NPAS2: variants seen among roughly 807,000 people sequenced by gnomAD.
The protein encoded by NPAS2 is neuronal PAS domain protein 2, also known as neuronal PAS domain-containing protein 2.
A neutral mutation model predicts 107.5 loss-of-function variants in NPAS2; 23 were observed. That is an observed-to-expected ratio of 0.21 (90% CI 0.15 to 0.30). NPAS2 has a LOEUF of 0.30. NPAS2 is among the 10% of genes least tolerant of loss of function. The probability of loss-of-function intolerance (pLI) is 1.00; values close to 1 mark genes in which losing one functional copy is unlikely to be tolerated. For synonymous variants in NPAS2, 403 were observed against 417.5 expected (o/e 0.97, Z 0.42); for missense variants, 756 against 1,043.3 (o/e 0.72, Z 3.79).
intron 1 of NPAS2, among the ~76,000 whole-genome samples, chr2:100,869,981 T>A (rs1181230194): frequency 6.8e-6 from 1 of 147,540 alleles, no homozygotes; most frequent in Non-Finnish European, 1.5e-5. Flanking sequence ...CTTGGCTCAC[T>A]GCAAGCTCTG....
Position 100,988,089 on chromosome 2 carries a change from A to G in NPAS2, c.1640A>G (p.Gln547Arg), listed in dbSNP as rs1217853334. 9 of 1,613,860 alleles carry G rather than the reference A, an allele frequency of 5.6e-6. No individual in the cohort carries two copies. The highest frequency in any genetic ancestry group is 1.7e-5 in the Admixed American group (1 of 60,008). ...VQDSNVQMFL[Q>R]QPAVSLSFSS... ...CTATTCTGCTCCCAGATGTTCCTGC[A>G]GCAGCCAGCTGTATCCCTGAGCTTC... The change falls in exon 17 of 21, where the codon CAG (glutamine) becomes CGG (arginine). Residue 547 changes from glutamine (Q) to arginine (R), a missense_variant. Physicochemically the swap from Gln to Arg is conservative, Grantham distance 43 (BLOSUM62 1). Around this residue, in one of 4 missense-constraint regions of NPAS2, gnomAD observed 496 missense variants for 594.4 expected, o/e 0.83. Transcript: ENST00000335681.
Position 100,836,474 on chromosome 2 carries a change from G to A in NPAS2, c.-23+16060G>A, listed in dbSNP as rs1010885259. ...ACAACACTGAAACTGATTTAAGAAG[G>A]CTTTTCAGCTGGAAGACATGGCCAC... On this transcript the variant is annotated intron_variant, in intron 1 of 20. Transcript: ENST00000335681. Among the ~76,000 whole-genome samples the A allele has an allele frequency of 4.3e-4, 65 of 152,170 alleles. 2 individuals are homozygous for A. The highest frequency in any genetic ancestry group is 1.3e-4 in the Admixed American group (2 of 15,268).
intron 7 of NPAS2, among the ~76,000 whole-genome samples, chr2:100,957,843 G>A (rs1050256363): frequency 6.6e-6 from 1 of 152,224 alleles, no homozygotes; most frequent in African/African-American, 2.4e-5. Context: ...CAGGAGAATG[G>A]CGTGAACCCG....
intron 1 of NPAS2, among the ~76,000 whole-genome samples, chr2:100,839,507 AAT>A (rs1190163501): frequency 6.6e-6 from 1 of 152,062 alleles, no homozygotes; most frequent in Non-Finnish European, 1.5e-5. Context: ...TGATTTTCTT[AAT>A]AACATTTTTT....
chr2:100,975,183 C>T, intron 13 of NPAS2: 1 of 580,534 alleles, frequency 1.7e-6, no homozygotes, highest in Non-Finnish European at 3.0e-6. Context: ...CAGATCTGAT[C>T]CCTTGACTGC....
At chr2:100,865,254 C>T (rs947194323) in intron 1 of NPAS2, among the ~76,000 whole-genome samples, 6 of 152,178 alleles carry the variant, frequency 3.9e-5, no homozygotes, top group African/African-American at 7.2e-5. Context: ...AACTCAACTA[C>T]GAATCTGTTC....
chr2:100,957,121 G>A (rs1675617456), intron 7 of NPAS2, among the ~76,000 whole-genome samples: 1 of 152,244 alleles, frequency 6.6e-6, no homozygotes, highest in Non-Finnish European at 1.5e-5. Context: ...GGGGGCAGGG[G>A]AGGGAAGACA....
chr2:100,967,149 G>A (rs764138463), intron 10 of NPAS2, among the ~76,000 whole-genome samples: 1 of 151,792 alleles, frequency 6.6e-6, no homozygotes, highest in Non-Finnish European at 1.5e-5. Context: ...CATGGCTTGG[G>A]CAAGACCTCC....
intron 1 of NPAS2, among the ~76,000 whole-genome samples, chr2:100,876,557 G>C (rs1400977328): frequency 6.6e-6 from 1 of 152,188 alleles, no homozygotes; most frequent in Admixed American, 6.5e-5. Flanking sequence ...CTGCTGCCCA[G>C]CTGTATTTGG....
intron 1 of NPAS2, among the ~76,000 whole-genome samples, chr2:100,824,824 C>T (rs551232440): frequency 6.7e-4 from 102 of 152,272 alleles, no homozygotes; most frequent in African/African-American, 2.4e-3. Flanking sequence ...ATTTGCCTTC[C>T]ACGCTCCCTG....
intron 7 of NPAS2, among the ~76,000 whole-genome samples, chr2:100,953,939 A>G (rs144255654): frequency 2.0e-4 from 30 of 152,244 alleles, no homozygotes; most frequent in African/African-American, 7.0e-4. Flanking sequence ...CAGTCATGGA[A>G]ATGACTGTCA....
At chr2:100,915,382 G>A (rs1682819367) in intron 2 of NPAS2, among the ~76,000 whole-genome samples, 1 of 152,170 alleles carries the variant, frequency 6.6e-6, no homozygotes. Flanking sequence ...AAGGGAGCCT[G>A]GGAACCAGAA....
chr2:100,873,945 A>T (rs1000048614), intron 1 of NPAS2, among the ~76,000 whole-genome samples: 1 of 152,064 alleles, frequency 6.6e-6, no homozygotes, highest in African/African-American at 2.4e-5. Context: ...GCCTTTGTTC[A>T]GCTGGCAGTT....
chr2:100,843,350 A>T (rs1677568504), intron 1 of NPAS2, among the ~76,000 whole-genome samples: 1 of 152,134 alleles, frequency 6.6e-6, no homozygotes, highest in Non-Finnish European at 1.5e-5. Flanking sequence ...TTGGCTATAA[A>T]GCCTCCCCTG....
intron 1 of NPAS2, among the ~76,000 whole-genome samples, chr2:100,897,679 C>T (rs973549148): frequency 3.3e-5 from 5 of 152,146 alleles, no homozygotes; most frequent in Admixed American, 6.5e-5. Flanking sequence ...CAAGACTCCC[C>T]GAACCCCGTC....
chr2:100,976,187 T>C lies in NPAS2; in HGVS notation c.1392+620T>C, dbSNP rs1415171484. Among the ~76,000 whole-genome samples the C allele has an allele frequency of 6.6e-6, 1 of 151,682 alleles. No individual in the cohort carries two copies. Among genetic ancestry groups the C allele is most frequent in the Admixed American group, 6.6e-5 (1 of 15,168 alleles). On this transcript the variant is annotated intron_variant, in intron 14 of 20. Transcript: ENST00000335681. The surrounding 1 kb of genome is among the most constrained non-coding windows in gnomAD (Gnocchi z 4.1). ...GATGGCACTTCTCTGCTCCTTGGTG[T>C]CGGGGATCTCGTGGGCCTAGGCTAT...
intron 1 of NPAS2, among the ~76,000 whole-genome samples, chr2:100,887,300 G>T (rs12476292): frequency 7.2e-4 from 109 of 152,288 alleles, no homozygotes; most frequent in African/African-American, 2.5e-3. Flanking sequence ...CCTTTCTGTC[G>T]GACAGCTACA....
At chr2:100,856,815 G>T (rs945886717) in intron 1 of NPAS2, among the ~76,000 whole-genome samples, 9 of 151,852 alleles carry the variant, frequency 5.9e-5, no homozygotes, top group Non-Finnish European at 1.5e-5. Context: ...AAAGAGAGAG[G>T]TGTCCACGCT....
At chr2:100,895,205 G>T (rs1019679936) in intron 1 of NPAS2, among the ~76,000 whole-genome samples, 2 of 152,208 alleles carry the variant, frequency 1.3e-5, no homozygotes, top group Admixed American at 6.5e-5. Context: ...AGTTTCTACT[G>T]TGAGCCCTTT....
Sources: gnomAD v4.1 joint callset for allele counts (sites outside exome capture counted in the v4.1 genomes callset) on GRCh38, gnomAD v4.1.1 for gene constraint, gnomAD v4.1.1 regional missense constraint, Gnocchi (gnomAD v3.1) non-coding constraint, MANE v1.5 for transcripts, NCBI Gene and HGNC (gene_info 2026-07-23, HGNC 2026-07-21) for gene names.